KRT8: variants seen among roughly 807,000 people sequenced by gnomAD.
KRT8 encodes the protein keratin, type II cytoskeletal 8.
Under a neutral mutation model 43.0 loss-of-function variants are expected in KRT8, and 24 were observed. The ratio of observed to expected loss-of-function variants is 0.56; its 90% CI spans 0.40 to 0.78. KRT8 has a LOEUF of 0.78. Ranked by LOEUF, KRT8 falls within the 30% of genes least tolerant of loss-of-function variation. The probability of loss-of-function intolerance (pLI) is 0.00; values close to 1 mark genes in which losing one functional copy is unlikely to be tolerated. For synonymous variants in KRT8, 214 were observed against 261.2 expected, an observed-to-expected ratio of 0.82 and a Z score of 1.74; for missense variants, 492 against 638.4, an observed-to-expected ratio of 0.77 and a Z score of 2.47.
intron 2 of KRT8, among the ~76,000 whole-genome samples, chr12:52,934,035 C>G (rs1346241138): frequency 6.7e-6 from 1 of 150,256 alleles, no homozygotes; most frequent in Non-Finnish European, 1.5e-5. Context: ...CAAGACCAGC[C>G]TGGCCAACAT....
upstream of KRT8, chr12:52,905,207 G>T: frequency 1.4e-6 from 1 of 713,370 alleles, no homozygotes; most frequent in Non-Finnish European, 2.2e-6. Context: ...GGTGGGGGCA[G>T]CAGAGAGCTG....
At chr12:52,914,210 G>C (rs758490254) in intron 2 of KRT8, among the ~76,000 whole-genome samples, 1 of 148,142 alleles carries the variant, frequency 6.8e-6, no homozygotes, top group Admixed American at 6.7e-5. Flanking sequence ...GCGACAGAGC[G>C]AGACTCTGTC....
At chr12:52,915,926 T>C (rs1467128809) in intron 2 of KRT8, among the ~76,000 whole-genome samples, 2 of 152,278 alleles carry the variant, frequency 1.3e-5, no homozygotes, top group African/African-American at 2.4e-5. Context: ...CAACGGAATA[T>C]TGATTTCAGA....
intron 2 of KRT8, among the ~76,000 whole-genome samples, chr12:52,939,050 A>C (rs1942225374): frequency 6.6e-6 from 1 of 151,952 alleles, no homozygotes; most frequent in Non-Finnish European, 1.5e-5. Flanking sequence ...GAACCACTAT[A>C]CTCCAACCTG....
intron 2 of KRT8, among the ~76,000 whole-genome samples, chr12:52,938,597 G>A (rs1252628952): frequency 6.6e-6 from 1 of 151,000 alleles, no homozygotes; most frequent in Non-Finnish European, 1.5e-5. Context: ...GGCAACAAAG[G>A]AAGACTCCCC....
At chr12:52,918,182 A>AAGC (rs1941800969) in intron 2 of KRT8, among the ~76,000 whole-genome samples, 1 of 104,414 alleles carries the variant, frequency 9.6e-6, no homozygotes, top group Non-Finnish European at 1.9e-5. Context: ...GAGGAAGAGG[A>AAGC]AGAAGAAGAA....
chr12:52,947,338 A>C (rs2120751023), intron 2 of KRT8: 1 of 152,316 alleles, frequency 6.6e-6, no homozygotes, highest in East Asian at 1.9e-4. Context: ...GGGACAGGGG[A>C]AGGACTGGCT....
chr12:52,938,335 T>C (rs1027605522), intron 2 of KRT8, among the ~76,000 whole-genome samples: 2 of 150,372 alleles, frequency 1.3e-5, no homozygotes, highest in African/African-American at 4.9e-5. Context: ...CCAGCTAATT[T>C]TTTGTATTTT....
At chr12:52,907,100 C>T, upstream of KRT8, 1 of 231,086 alleles carries the variant, frequency 4.3e-6, no homozygotes, top group South Asian at 5.6e-5. Context: ...CTCCCCTCCC[C>T]AGGCCCTGCC....
At chr12:52,939,938 A>C (rs78075003) in intron 2 of KRT8, among the ~76,000 whole-genome samples, 6,342 of 152,126 alleles carry the variant, frequency 0.042, 151 homozygotes, top group Admixed American at 0.064. Context: ...CATCTCTACC[A>C]AAAAAAGTTA....
chr12:52,940,366 GA>G (rs1942245775), intron 2 of KRT8, among the ~76,000 whole-genome samples: 1 of 149,954 alleles, frequency 6.7e-6, no homozygotes, highest in African/African-American at 2.5e-5. Context: ...CTGGGAGGTG[GA>G]GGTTGCAGTG....
rs558730188 is a variant in KRT8 at position 52,945,371 on chromosome 12, A to T, written c.-47+4085T>A. Among the ~76,000 whole-genome samples, 19 of 152,266 alleles carry T rather than the reference A, an allele frequency of 1.2e-4. No individual in the cohort carries two copies. The East Asian group carries it at 3.7e-3, about 29-fold the overall frequency. ...CACACTGGAGTCACCCTCAGTCTTTAAAGAAGAGGATGGGAATCAGTCTCT... is the reference window on the plus strand; with the variant it reads ...CACACTGGAGTCACCCTCAGTCTTTTAAGAAGAGGATGGGAATCAGTCTCT... On this transcript the variant is annotated intron_variant, in intron 2 of 6. Transcript: ENST00000546826.
chr12:52,919,410 G>A (rs1045533299), intron 2 of KRT8, among the ~76,000 whole-genome samples: 22 of 149,712 alleles, frequency 1.5e-4, no homozygotes, highest in Admixed American at 1.0e-3. Context: ...GGGACTACAG[G>A]CATGTACCAC....
At chr12:52,947,724 T>G (rs963476378) in intron 2 of KRT8, 1 of 147,792 alleles carries the variant, frequency 6.8e-6, no homozygotes, top group Non-Finnish European at 1.5e-5. Flanking sequence ...TTTTTTTTTT[T>G]GAGACAGAGT....
chr12:52,897,497 C>T (rs746807740), exon 8 of KRT8: 2 of 1,599,170 alleles, frequency 1.3e-6, no homozygotes, highest in South Asian at 1.1e-5. Context: ...TCTTCACAAC[C>T]ACGGCCCTGG....
intron 2 of KRT8, among the ~76,000 whole-genome samples, chr12:52,938,136 C>CTATACATATATATATATATATATA (rs1555189938): frequency 1.8e-4 from 8 of 44,050 alleles, no homozygotes; most frequent in African/African-American, 6.6e-4. Context: ...CACTAGAAAG[C>CTATACATATATATATATATATATA]TATATATATA....
At chr12:52,938,896 C>T (rs1001537005) in intron 2 of KRT8, among the ~76,000 whole-genome samples, 1 of 151,992 alleles carries the variant, frequency 6.6e-6, no homozygotes, top group Admixed American at 6.6e-5. Context: ...GGCTTACAGG[C>T]GTGAGCCACC....
intron 2 of KRT8, among the ~76,000 whole-genome samples, chr12:52,931,803 C>T (rs1942090031): frequency 6.6e-6 from 1 of 151,980 alleles, no homozygotes; most frequent in Non-Finnish European, 1.5e-5. Context: ...GCTGGGATTA[C>T]AGGTGCCCGC....
intron 2 of KRT8, 116 bp downstream of exon 2, chr12:52,901,748 A>G (rs957280278): frequency 2.3e-5 from 18 of 773,502 alleles, no homozygotes; most frequent in Admixed American, 3.7e-5. Flanking sequence ...TGGTCACCCT[A>G]ATTAGATAGG....
Sources: gnomAD v4.1 joint callset for allele counts (sites outside exome capture counted in the v4.1 genomes callset) on GRCh38, gnomAD v4.1.1 for gene constraint, MANE v1.5 for transcripts, NCBI Gene and HGNC (gene_info 2026-07-23, HGNC 2026-07-21) for gene names.